Variants in PTPRR observed in about 807,000 individuals in gnomAD.
The protein encoded by PTPRR is receptor-type tyrosine-protein phosphatase R.
A neutral mutation model predicts 77.2 loss-of-function variants in PTPRR; 38 were observed. The ratio of observed to expected loss-of-function variants is 0.49; its 90% CI spans 0.38 to 0.65. The LOEUF is 0.65. PTPRR is among the 30% of genes least tolerant of loss of function. PTPRR has a pLI of 0.00. For synonymous variants in PTPRR, 299 were observed against 283.1 expected (o/e 1.06, Z -0.57); for missense variants, 744 against 799.2 (o/e 0.93, Z 0.83).
At chr12:70,731,644 C>T (rs964432542) in intron 6 of PTPRR, among the ~76,000 whole-genome samples, 5 of 152,142 alleles carry the variant, frequency 3.3e-5, no homozygotes, top group East Asian at 1.9e-4. Flanking sequence ...TTTAAGCACC[C>T]GTGAAGGAGG....
At chr12:70,845,165 T>A (rs1892462737) in intron 2 of PTPRR, among the ~76,000 whole-genome samples, 2 of 152,146 alleles carry the variant, frequency 1.3e-5, no homozygotes, top group Non-Finnish European at 2.9e-5. Flanking sequence ...TTCACTTCCT[T>A]CTAGGAAGGT....
rs138254834 is a variant in PTPRR at position 70,842,238 on chromosome 12, C to G, written c.357+50441G>C. On this transcript the variant is annotated intron_variant, in intron 2 of 13. Coordinates refer to ENST00000283228, the MANE Select transcript of PTPRR (RefSeq NM_002849.4). ...CAGATTATAATGAGTATAATCAGAT[C>G]TGTAGAATTATTGAATTCCTCAAAT... Among the ~76,000 whole-genome samples, 30 of 152,312 alleles carry G rather than the reference C, an allele frequency of 2.0e-4. No homozygotes were observed. The East Asian group carries it at 5.8e-3, about 29-fold the overall frequency.
intron 2 of PTPRR, among the ~76,000 whole-genome samples, chr12:70,768,015 G>C (rs1890871181): frequency 6.6e-6 from 1 of 152,052 alleles, no homozygotes; most frequent in South Asian, 2.1e-4. Flanking sequence ...ATTCAAAGCA[G>C]TGTGTAGAGG....
chr12:70,852,041 G>A (rs1422998206), intron 2 of PTPRR, among the ~76,000 whole-genome samples: 1 of 152,130 alleles, frequency 6.6e-6, no homozygotes, highest in South Asian at 2.1e-4. Flanking sequence ...TAAATCCTTC[G>A]ATGAAAGACA....
At chr12:70,868,183 A>T (rs919588424) in intron 2 of PTPRR, among the ~76,000 whole-genome samples, 8 of 152,210 alleles carry the variant, frequency 5.3e-5, no homozygotes, top group Non-Finnish European at 1.0e-4. Flanking sequence ...CAAAATTGAC[A>T]AATGGGATCT....
intron 10 of PTPRR, among the ~76,000 whole-genome samples, chr12:70,673,510 T>C (rs912748794): frequency 6.6e-6 from 1 of 152,232 alleles, no homozygotes; most frequent in Non-Finnish European, 1.5e-5. Flanking sequence ...AAATTGCATG[T>C]AATAAGTAAG....
chr12:70,787,997 G>C (rs921470608), intron 2 of PTPRR, among the ~76,000 whole-genome samples: 1 of 152,130 alleles, frequency 6.6e-6, no homozygotes, highest in Non-Finnish European at 1.5e-5. Context: ...TTGTTGTCCA[G>C]AACTTCGTAC....
chr12:70,820,395 G>A (rs1004252769), intron 2 of PTPRR, among the ~76,000 whole-genome samples: 1 of 151,956 alleles, frequency 6.6e-6, no homozygotes, highest in Non-Finnish European at 1.5e-5. Flanking sequence ...GTGCAGTGGC[G>A]CGATCTCGGC....
intron 1 of PTPRR, among the ~76,000 whole-genome samples, chr12:70,912,989 GA>G (rs1893722087): frequency 1.3e-5 from 2 of 151,808 alleles, no homozygotes; most frequent in Admixed American, 6.6e-5. Flanking sequence ...CCTTTTAAAG[GA>G]AAAAATGGCT....
intron 2 of PTPRR, among the ~76,000 whole-genome samples, chr12:70,874,952 C>T (rs1402017886): frequency 6.7e-6 from 1 of 149,934 alleles, no homozygotes. Flanking sequence ...ATAGCAACCT[C>T]ACGTTTGGGA....
intron 1 of PTPRR, among the ~76,000 whole-genome samples, chr12:70,909,797 C>T (rs1022198160): frequency 2.6e-5 from 4 of 152,208 alleles, no homozygotes; most frequent in African/African-American, 7.2e-5. Flanking sequence ...ACCGCATGTC[C>T]TACCCAATCC....
chr12:70,761,257 A>T (rs1890684380), intron 4 of PTPRR, among the ~76,000 whole-genome samples: 2 of 152,254 alleles, frequency 1.3e-5, no homozygotes, highest in African/African-American at 4.8e-5. Flanking sequence ...AAGAAGAAAA[A>T]TGCCAAAAAG....
intron 2 of PTPRR, among the ~76,000 whole-genome samples, chr12:70,804,940 A>G (rs1891682977): frequency 6.6e-6 from 1 of 152,208 alleles, no homozygotes; most frequent in Non-Finnish European, 1.5e-5. Context: ...AATAAAGATC[A>G]TGTCCATATA....
rs181076003 is a variant in PTPRR at position 70,913,078 on chromosome 12, T to C, written c.58+7255A>G. The stretch of plus-strand genomic sequence containing the variant: ...AACTTGCCATAAAATATAACATCCG[T>C]GTTATCTCTAATACTAATGGCAATG... On this transcript the variant is annotated intron_variant, in intron 1 of 13. Coordinates refer to ENST00000283228, the MANE Select transcript of PTPRR (RefSeq NM_002849.4). Among the ~76,000 whole-genome samples the C allele has an allele frequency of 2.8e-4, 42 of 152,250 alleles. No homozygotes were observed. The East Asian group carries it at 7.7e-3, about 28-fold the overall frequency.
At position 70,701,289 on chromosome 12, in the gene PTPRR, T is replaced by G; in HGVS notation, c.1042A>C (p.Ser348Arg). Residue 348 changes from serine (S) to arginine (R), a missense_variant, in exon 7 of 14, where the codon AGT becomes CGT. By Grantham distance (110) the Ser-to-Arg change is moderately radical. This residue lies in a region of PTPRR where 570 missense variants were observed against 573.2 expected (regional missense o/e 0.99). Transcript: ENST00000283228. ...AAGGGTTCAATGTTCCCCAAGCTAC[T>G]CATGTCCAATGTAAGAGATACGTTG... ...GSNVSLTLDMSSLGNIEPFVS... is the reference protein window; with the variant it reads ...GSNVSLTLDMRSLGNIEPFVS... 1 of 1,613,876 alleles carries G rather than the reference T, an allele frequency of 6.2e-7. No individual in the cohort carries two copies. The highest frequency in any genetic ancestry group is 8.5e-7 in the Non-Finnish European group (1 of 1,179,882).
intron 1 of PTPRR, among the ~76,000 whole-genome samples, chr12:70,907,430 T>C (rs558702054): frequency 6.6e-6 from 1 of 152,308 alleles, no homozygotes; most frequent in African/African-American, 2.4e-5. Flanking sequence ...TACTTCTCCC[T>C]GTTTATCCAT....
chr12:70,777,975 T>A (rs746340211), intron 2 of PTPRR, among the ~76,000 whole-genome samples: 1 of 152,234 alleles, frequency 6.6e-6, no homozygotes. Context: ...TCAAATGGAT[T>A]CAATGCTCAT....
chr12:70,803,542 A>G (rs1165803616), intron 2 of PTPRR, among the ~76,000 whole-genome samples: 3 of 152,200 alleles, frequency 2.0e-5, no homozygotes, highest in Non-Finnish European at 4.4e-5. Flanking sequence ...GGAAGATCTC[A>G]CAGGACCACT....
intron 10 of PTPRR, among the ~76,000 whole-genome samples, chr12:70,669,569 C>CACACAA: frequency 6.6e-6 from 1 of 151,142 alleles, no homozygotes; most frequent in African/African-American, 2.4e-5. Context: ...TACACACACA[C>CACACAA]ACACACACAC....
Sources: allele counts gnomAD v4.1 joint callset (sites outside exome capture counted in the v4.1 genomes callset), GRCh38; gene constraint gnomAD v4.1.1; regional missense constraint gnomAD v4.1.1; transcripts MANE v1.5; gene names NCBI Gene and HGNC (gene_info 2026-07-23, HGNC 2026-07-21).